AKAP13: variants seen among roughly 807,000 people sequenced by gnomAD.
The protein encoded by AKAP13 is A-kinase anchor protein 13.
Under a neutral mutation model 264.5 loss-of-function variants are expected in AKAP13, and 80 were observed. The ratio of observed to expected loss-of-function variants is 0.30; its 90% CI spans 0.25 to 0.36. The LOEUF (loss-of-function observed/expected upper bound fraction) is 0.36, where lower values mean the gene tolerates loss of function less well. Ranked by LOEUF, AKAP13 falls within the 10% of genes least tolerant of loss-of-function variation. The pLI is 1.00. For synonymous variants in AKAP13, 1,380 were observed against 1,250.2 expected, an observed-to-expected ratio of 1.10 and a Z score of -2.19; for missense variants, 3,712 against 3,435.2, an observed-to-expected ratio of 1.08 and a Z score of -2.01.
chr15:85,502,480 A>T (rs947839696), intron 2 of AKAP13, among the ~76,000 whole-genome samples: 1 of 152,232 alleles, frequency 6.6e-6, no homozygotes, highest in Non-Finnish European at 1.5e-5. Context: ...ATATTCCTGC[A>T]CACCTTTATC....
chr15:85,580,396 C>G lies in AKAP13; in HGVS notation c.2328C>G (p.Asp776Glu). 6.2e-7 allele frequency: 1 copy of G among 1,614,210 alleles called. No individual in the cohort carries two copies. Among genetic ancestry groups the G allele is most frequent in the African/African-American group, 1.3e-5 (1 of 75,056 alleles). ...VPKMEKELVP[D>E]QAVISDSTFS... ...AAATGGAGAAAGAACTGGTGCCAGA[C>G]CAGGCAGTAATATCAGACAGTACTT... Residue 776 changes from aspartate (D) to glutamate (E), a missense_variant, in exon 7 of 37, where the codon GAC becomes GAG. Transcript: ENST00000394518.
Position 85,655,726 on chromosome 15 carries a change from C to G in AKAP13, c.4684C>G (p.Arg1562Gly). 1 of 1,613,752 alleles carries G rather than the reference C, an allele frequency of 6.2e-7. No individual in the cohort carries two copies. The highest frequency in any genetic ancestry group is 8.5e-7 in the Non-Finnish European group (1 of 1,179,708). ...RSSMRSLSPF[R>G]RHSWGPGKNA... ...CTCCATGCGCTCTCTTTCTCCCTTC[C>G]GGAGGCACAGCTGGGGGCCTGGGAA... Residue 1562 changes from arginine to glycine, a missense_variant, in exon 11 of 37, where the codon CGG becomes GGG. By Grantham distance (125) the Arg-to-Gly change is moderately radical (BLOSUM62 -2). Around this residue, in one of 3 missense-constraint regions of AKAP13, gnomAD observed 2,759 missense variants for 2,411.7 expected, o/e 1.14. Coordinates refer to ENST00000394518, the MANE Select transcript of AKAP13 (RefSeq NM_007200.5).
At chr15:85,624,598 A>G (rs1034940547) in intron 8 of AKAP13, 2 of 152,246 alleles carry the variant, frequency 1.3e-5, no homozygotes, top group South Asian at 2.1e-4. Flanking sequence ...GTTGGCTTCT[A>G]TGTCCGGATG....
chr15:85,385,665 T>C (rs2070522209), intron 1 of AKAP13, among the ~76,000 whole-genome samples: 1 of 152,248 alleles, frequency 6.6e-6, no homozygotes. Context: ...GCCCAATGAC[T>C]AATGATATTA....
chr15:85,544,131 C>A, intron 5 of AKAP13, 176 bp downstream of exon 5: 1 of 768,140 alleles, frequency 1.3e-6, no homozygotes, highest in Non-Finnish European at 2.2e-6. Context: ...ACTTCATTGT[C>A]TGAGAGAGAA....
intron 8 of AKAP13, among the ~76,000 whole-genome samples, chr15:85,628,998 G>C (rs1230436847): frequency 6.6e-6 from 1 of 152,116 alleles, no homozygotes; most frequent in Non-Finnish European, 1.5e-5. Flanking sequence ...TTCAAGACCA[G>C]CCTAAGCAAC....
At chr15:85,567,350 C>T (rs1222080364) in intron 5 of AKAP13, among the ~76,000 whole-genome samples, 1 of 152,102 alleles carries the variant, frequency 6.6e-6, no homozygotes, top group Non-Finnish European at 1.5e-5. Context: ...TTGTGATCCA[C>T]CCACCTCGGC....
At chr15:85,538,808 A>AT (rs1461065778) in intron 4 of AKAP13, among the ~76,000 whole-genome samples, 1 of 139,594 alleles carries the variant, frequency 7.2e-6, no homozygotes, top group African/African-American at 2.7e-5. Context: ...TTTCATAAAT[A>AT]TTTTTTCGTA....
chr15:85,641,630 T>A (rs62022905), intron 9 of AKAP13, among the ~76,000 whole-genome samples: 1 of 150,346 alleles, frequency 6.7e-6, no homozygotes, highest in Non-Finnish European at 1.5e-5. Flanking sequence ...GGACTACAGG[T>A]GCCTGCCACC....
At chr15:85,415,546 T>G in intron 1 of AKAP13, 3 of 1,465,304 alleles carry the variant, frequency 2.0e-6, no homozygotes, top group South Asian at 2.3e-5. Context: ...GAAAACACAA[T>G]AAGAAGAAAA....
rs1020011278 is a variant in AKAP13, at chr15:85,403,230, T to C, written c.-12+22432T>C. Among the ~76,000 whole-genome samples, 5 of 152,230 alleles carry C rather than the reference T, an allele frequency of 3.3e-5. No individual in the cohort carries two copies. The South Asian group carries it at 1.0e-3, about 32-fold the overall frequency. ...AAAATCTAAAATAGGTGATGCTAAA[T>C]TCTTTAGAGTCAGTGAACATACAGA... On this transcript the variant is annotated intron_variant, in intron 1 of 36. Transcript: ENST00000394518.
intron 8 of AKAP13, among the ~76,000 whole-genome samples, chr15:85,613,118 T>A (rs1276341265): frequency 6.6e-6 from 1 of 152,176 alleles, no homozygotes; most frequent in East Asian, 1.9e-4. Context: ...TAAATATGGC[T>A]TATAGTTTTA....
At chr15:85,455,424 T>C (rs2074248387) in intron 1 of AKAP13, among the ~76,000 whole-genome samples, 1 of 152,180 alleles carries the variant, frequency 6.6e-6, no homozygotes, top group Non-Finnish European at 1.5e-5. Context: ...CCCACAGTGC[T>C]TCTCTAAATT....
chr15:85,388,843 G>C (rs1283196138), intron 1 of AKAP13, among the ~76,000 whole-genome samples: 2 of 152,128 alleles, frequency 1.3e-5, no homozygotes, highest in Non-Finnish European at 2.9e-5. Flanking sequence ...GTCCTTATCT[G>C]TTAAATGTCA....
chr15:85,401,633 GT>G (rs1341053349), intron 1 of AKAP13, among the ~76,000 whole-genome samples: 1 of 152,136 alleles, frequency 6.6e-6, no homozygotes, highest in Non-Finnish European at 1.5e-5. Flanking sequence ...TCCCTTTGAG[GT>G]TGTAAAAAAG....
intron 8 of AKAP13, among the ~76,000 whole-genome samples, chr15:85,615,169 A>G (rs910711625): frequency 2.0e-5 from 3 of 152,180 alleles, no homozygotes; most frequent in Non-Finnish European, 2.9e-5. Flanking sequence ...AATTGTTGCT[A>G]TTATTGTCAG....
intron 1 of AKAP13, among the ~76,000 whole-genome samples, chr15:85,434,631 G>A (rs962858093): frequency 6.6e-6 from 1 of 151,988 alleles, no homozygotes; most frequent in African/African-American, 2.4e-5. Flanking sequence ...TCTGAGAACC[G>A]GCAGACTGCC....
intron 3 of AKAP13, among the ~76,000 whole-genome samples, chr15:85,523,959 A>T (rs921740934): frequency 2.6e-5 from 4 of 152,178 alleles, no homozygotes; most frequent in Non-Finnish European, 5.9e-5. Flanking sequence ...GCAGTGTTAG[A>T]TTAGTCAAGA....
rs1436260653 is a variant in AKAP13 at position 85,744,867 on chromosome 15, G to T, written c.*190G>T. ...AGTGTCGGGTGGGGAAGGAGGCCCA[G>T]ACTCTGCTTCGGCCATGATTTGTGA... On this transcript the variant is annotated 3_prime_UTR_variant, in exon 37 of 37. Coordinates refer to ENST00000394518, the MANE Select transcript of AKAP13 (RefSeq NM_007200.5). The T allele has an allele frequency of 1.7e-5, 9 of 531,796 alleles. No individual in the cohort carries two copies. The East Asian group carries it at 3.0e-4, about 18-fold the overall frequency. 32.9% of individuals were successfully genotyped at this position (531,796 alleles called of 1,614,324 possible). A position where few individuals can be genotyped will look rare whatever the true frequency, so the allele number is the denominator to read the frequency against.
Sources: gnomAD v4.1 joint callset for allele counts (sites outside exome capture counted in the v4.1 genomes callset) on GRCh38, gnomAD v4.1.1 for gene constraint, gnomAD v4.1.1 regional missense constraint, MANE v1.5 for transcripts, NCBI Gene and HGNC (gene_info 2026-07-23, HGNC 2026-07-21) for gene names.